Variants in MSTO1 observed in about 807,000 individuals in gnomAD.
The protein encoded by MSTO1 is protein misato homolog 1.
In MSTO1, 24 loss-of-function variants were observed where a neutral mutation model predicts 55.7. That is an observed-to-expected ratio of 0.43 (90% confidence interval 0.31 to 0.61). MSTO1 has a LOEUF of 0.61. MSTO1 is among the 20% of genes least tolerant of loss of function. The pLI, the probability that MSTO1 is intolerant of heterozygous loss-of-function variation, is 0.09. For missense variants in MSTO1, 363 were observed against 625.7 expected (o/e 0.58, Z 4.48); for synonymous variants, 162 against 252.8 (o/e 0.64, Z 3.41).
chr1:155,595,825 G>T, the MSTO1 span, among the ~76,000 whole-genome samples: 2 of 152,068 alleles, frequency 1.3e-5, no homozygotes, highest in East Asian at 3.8e-4. Context: ...TTGCAGTTTT[G>T]TAAGTGGATT....
chr1:155,570,739 A>G, the MSTO1 span, among the ~76,000 whole-genome samples: 1 of 152,130 alleles, frequency 6.6e-6, no homozygotes, highest in African/African-American at 2.4e-5. Context: ...ACTTGATTAT[A>G]GGTATATACC....
In MSTO1 at chr1:155,613,456, T is replaced by C. The variant is rs1251395545; in HGVS notation, c.1284-6T>C. ...ACTAATGGTGGTTTTGGCTTTGTTCTGGCAGCCAGCTCACCCCAGGGACAC... is the reference window on the plus strand; with the variant it reads ...ACTAATGGTGGTTTTGGCTTTGTTCCGGCAGCCAGCTCACCCCAGGGACAC... On this transcript the variant is annotated splice_polypyrimidine_tract_variant and splice_region_variant and intron_variant, in intron 11 of 13. Coordinates refer to ENST00000245564, the MANE Select transcript of MSTO1 (RefSeq NM_018116.4). The C allele has an allele frequency of 3.7e-6, 6 of 1,614,018 alleles. No individual in the cohort carries two copies. The highest frequency in any genetic ancestry group is 2.7e-5 in the African/African-American group (2 of 74,926).
Position 155,612,580 on chromosome 1 carries a change from G to C in MSTO1, c.966+10G>C. 8.1e-6 allele frequency: 13 copies of C among 1,605,248 alleles called. No homozygotes were observed. The highest frequency in any genetic ancestry group is 1.7e-5 in the Admixed American group (1 of 58,652). On this transcript the variant is annotated intron_variant, in intron 9 of 13. Transcript: ENST00000245564. ...TTACCTGCATTATGATGTAAGTCTCGGTGCTCTTGTTCTGACTGCGGCAGG... is the reference window on the plus strand; with the variant it reads ...TTACCTGCATTATGATGTAAGTCTCCGTGCTCTTGTTCTGACTGCGGCAGG...
the MSTO1 span, among the ~76,000 whole-genome samples, chr1:155,566,799 G>C: frequency 6.6e-6 from 1 of 151,572 alleles, no homozygotes; most frequent in Non-Finnish European, 1.5e-5. Flanking sequence ...ATTTTTAGTA[G>C]AGATGGGGTT....
the MSTO1 span, chr1:155,563,247 C>T: frequency 1.8e-5 from 8 of 456,670 alleles, no homozygotes; most frequent in South Asian, 1.2e-4. Flanking sequence ...GCCTACTTCG[C>T]AGTAGCAGGA....
chr1:155,578,347 T>TTTTTTTA, the MSTO1 span, among the ~76,000 whole-genome samples: 6 of 105,226 alleles, frequency 5.7e-5, no homozygotes, highest in African/African-American at 2.1e-4. Context: ...TTTTTTTTTT[T>TTTTTTTA]TTTTTTTTTT....
the MSTO1 span, among the ~76,000 whole-genome samples, chr1:155,564,741 A>G: frequency 6.6e-6 from 1 of 152,202 alleles, no homozygotes; most frequent in Non-Finnish European, 1.5e-5. Flanking sequence ...TATGCTACCA[A>G]TAACTTGTTT....
At chr1:155,582,567 C>A in the MSTO1 span, among the ~76,000 whole-genome samples, 6 of 150,056 alleles carry the variant, frequency 4.0e-5, no homozygotes, top group African/African-American at 1.5e-4. Context: ...TCAAGCAATT[C>A]TCTGCCTCAG....
At chr1:155,568,916 G>C in the MSTO1 span, among the ~76,000 whole-genome samples, 1 of 150,274 alleles carries the variant, frequency 6.7e-6, no homozygotes, top group East Asian at 2.0e-4. Flanking sequence ...CAGTGGTGCA[G>C]TCTTGGCTCA....
At chr1:155,608,851 T>G (rs999457041), upstream of MSTO1, among the ~76,000 whole-genome samples, 8 of 142,398 alleles carry the variant, frequency 5.6e-5, no homozygotes, top group Non-Finnish European at 1.2e-4. Flanking sequence ...TAGAGAGGAG[T>G]TTTGCTCTTG....
At chr1:155,573,327 C>G in the MSTO1 span, among the ~76,000 whole-genome samples, 1 of 152,014 alleles carries the variant, frequency 6.6e-6, no homozygotes, top group Non-Finnish European at 1.5e-5. Flanking sequence ...CTTTGAGAGG[C>G]CAAGGCAGGT....
At chr1:155,565,281 G>A in the MSTO1 span, among the ~76,000 whole-genome samples, 1 of 145,756 alleles carries the variant, frequency 6.9e-6, no homozygotes. Flanking sequence ...GGAGACGAGA[G>A]TGAAACTCCT....
the MSTO1 span, among the ~76,000 whole-genome samples, chr1:155,582,801 T>A: frequency 6.6e-6 from 1 of 152,092 alleles, no homozygotes; most frequent in Non-Finnish European, 1.5e-5. Context: ...TGATTTAGTC[T>A]AGGTTGTCTG....
upstream of MSTO1, among the ~76,000 whole-genome samples, chr1:155,607,570 T>C (rs1303130695): frequency 6.6e-6 from 1 of 152,234 alleles, no homozygotes; most frequent in Admixed American, 6.5e-5. Flanking sequence ...TAAAATAATG[T>C]AATTATCTTG....
At chr1:155,572,650 T>A in the MSTO1 span, among the ~76,000 whole-genome samples, 1 of 151,560 alleles carries the variant, frequency 6.6e-6, no homozygotes, top group South Asian at 2.1e-4. Context: ...AGATGGAGAA[T>A]TTTTTTTTCT....
chr1:155,564,268 C>T, the MSTO1 span, among the ~76,000 whole-genome samples: 1 of 152,060 alleles, frequency 6.6e-6, no homozygotes, highest in East Asian at 1.9e-4. Context: ...CCAAGGTGGG[C>T]GGATGACCTG....
At chr1:155,586,467 G>C in the MSTO1 span, among the ~76,000 whole-genome samples, 1 of 151,960 alleles carries the variant, frequency 6.6e-6, no homozygotes, top group Admixed American at 6.6e-5. Context: ...AGCCATTTGT[G>C]TTTCTTTTCT....
upstream of MSTO1, among the ~76,000 whole-genome samples, chr1:155,609,243 A>ATATTTTTT (rs59756178): frequency 6.0e-4 from 33 of 54,578 alleles, no homozygotes; most frequent in East Asian, 5.6e-3. Context: ...ATATATATAT[A>ATATTTTTT]TTTTTTTTTT....
chr1:155,586,222 T>TG, the MSTO1 span, among the ~76,000 whole-genome samples: 3 of 148,724 alleles, frequency 2.0e-5, no homozygotes, highest in African/African-American at 7.6e-5. Context: ...TTTTTTTTTT[T>TG]GTTAGAGACA....
Sources: gnomAD v4.1 joint callset for allele counts (sites outside exome capture counted in the v4.1 genomes callset) on GRCh38, gnomAD v4.1.1 for gene constraint, MANE v1.5 for transcripts, NCBI Gene and HGNC (gene_info 2026-07-23, HGNC 2026-07-21) for gene names.